Variants in PLXNA4 observed in about 807,000 individuals in gnomAD.
PLXNA4 encodes the protein plexin-A4.
PLXNA4 carries 44 observed loss-of-function variants against 191.8 expected under a neutral mutation model. The ratio of observed to expected loss-of-function variants is 0.23; its 90% CI spans 0.18 to 0.29. The LOEUF (loss-of-function observed/expected upper bound fraction) is 0.29. Ranked by LOEUF, PLXNA4 falls within the 10% of genes least tolerant of loss-of-function variation. The pLI, the probability that PLXNA4 is intolerant of heterozygous loss-of-function variation, is 1.00. For missense variants in PLXNA4, 1,800 were observed against 2,488.8 expected, an observed-to-expected ratio of 0.72 and a Z score of 5.89; for synonymous variants, 1,082 against 1,009.5, an observed-to-expected ratio of 1.07 and a Z score of -1.36.
At chr7:132,243,751 C>T (rs895358782) in intron 4 of PLXNA4, among the ~76,000 whole-genome samples, 5 of 135,968 alleles carry the variant, frequency 3.7e-5, no homozygotes, top group African/African-American at 1.1e-4. Context: ...TTATAAGTGA[C>T]GGCTATGATG....
chr7:132,271,651 G>T (rs1239681109), intron 4 of PLXNA4, among the ~76,000 whole-genome samples: 2 of 152,088 alleles, frequency 1.3e-5, no homozygotes, highest in Non-Finnish European at 1.5e-5. Flanking sequence ...AGAAGCCAAG[G>T]TCAACACCAC....
chr7:132,464,045 T>G (rs1484729768), intron 3 of PLXNA4, among the ~76,000 whole-genome samples: 1 of 151,916 alleles, frequency 6.6e-6, no homozygotes, highest in Non-Finnish European at 1.5e-5. Context: ...GGGAGGGGAG[T>G]GGAGAGCTTA....
chr7:132,401,090 T>A (rs954057972), intron 3 of PLXNA4, among the ~76,000 whole-genome samples: 1 of 152,092 alleles, frequency 6.6e-6, no homozygotes, highest in African/African-American at 2.4e-5. Flanking sequence ...TATCTACACA[T>A]GTGATAAAAT....
chr7:132,439,995 A>AGTGTGTGTGT (rs3067108), intron 3 of PLXNA4, among the ~76,000 whole-genome samples: 2,049 of 150,186 alleles, frequency 0.014, 52 homozygotes, highest in African/African-American at 0.047. Context: ...TGCATGTGTG[A>AGTGTGTGTGT]GTGTGTGTGT....
chr7:132,430,201 C>A (rs1023363984), intron 3 of PLXNA4, among the ~76,000 whole-genome samples: 1 of 152,086 alleles, frequency 6.6e-6, no homozygotes, highest in Non-Finnish European at 1.5e-5. Flanking sequence ...GAGTGAATGC[C>A]TATTCTGGCA....
chr7:132,513,076 T>G (rs1325741448), intron 1 of PLXNA4, among the ~76,000 whole-genome samples: 1 of 152,208 alleles, frequency 6.6e-6, no homozygotes, highest in Non-Finnish European at 1.5e-5. Flanking sequence ...TGAAATCAGA[T>G]TTTAATTTTG....
At position 132,128,033 on chromosome 7, in the gene PLXNA4, A is replaced by G. The variant is rs902147342; in HGVS notation, c.*2446T>C. ...AATCAAAATGCACTCACTCATACACACGTTCACACACGCAGCTTCCATCCA... is the reference window on the plus strand; with the variant it reads ...AATCAAAATGCACTCACTCATACACGCGTTCACACACGCAGCTTCCATCCA... On this transcript the variant is annotated 3_prime_UTR_variant, in exon 32 of 32. Coordinates refer to ENST00000321063, the MANE Select transcript of PLXNA4 (RefSeq NM_020911.2). The G allele has an allele frequency of 6.7e-6, 1 of 149,634 alleles. No homozygotes were observed. The highest frequency in any genetic ancestry group is 2.5e-5 in the African/African-American group (1 of 40,386). The allele number at this position is 149,634 out of a possible 1,614,324, so 9.3% of individuals were successfully genotyped here.
chr7:132,471,833 C>T (rs546999271), intron 3 of PLXNA4, among the ~76,000 whole-genome samples: 2 of 152,140 alleles, frequency 1.3e-5, no homozygotes, highest in South Asian at 2.1e-4. Flanking sequence ...CAACAGTACA[C>T]GCAAGAACAA....
At chr7:132,507,225 T>C (rs1778944872) in intron 2 of PLXNA4, among the ~76,000 whole-genome samples, 1 of 152,094 alleles carries the variant, frequency 6.6e-6, no homozygotes, top group East Asian at 1.9e-4. Flanking sequence ...CCTACCTATT[T>C]CCAGCACTCC....
intron 3 of PLXNA4, among the ~76,000 whole-genome samples, chr7:132,327,202 A>C (rs1269199010): frequency 6.7e-6 from 1 of 149,866 alleles, no homozygotes; most frequent in Non-Finnish European, 1.5e-5. Flanking sequence ...GGAGGGAGGG[A>C]AGGTGGGCAG....
intron 27 of PLXNA4, among the ~76,000 whole-genome samples, chr7:132,147,084 A>G (rs1045675633): frequency 1.3e-5 from 2 of 152,238 alleles, no homozygotes; most frequent in African/African-American, 4.8e-5. Flanking sequence ...AAGAGCAGGT[A>G]GCCTGTCTCC....
chr7:132,334,757 T>C (rs1802751135), intron 3 of PLXNA4, among the ~76,000 whole-genome samples: 1 of 152,134 alleles, frequency 6.6e-6, no homozygotes, highest in African/African-American at 2.4e-5. Flanking sequence ...GTACTAGACA[T>C]GAAACGCTCT....
At chr7:132,298,016 C>T in intron 4 of PLXNA4, 75 bp downstream of exon 4, 1 of 1,584,938 alleles carries the variant, frequency 6.3e-7, no homozygotes, top group Non-Finnish European at 8.7e-7. Context: ...CAGCTGGCCT[C>T]CTAAGGTTTG....
At chr7:132,495,684 C>T (rs1797983767) in intron 2 of PLXNA4, among the ~76,000 whole-genome samples, 1 of 152,132 alleles carries the variant, frequency 6.6e-6, no homozygotes, top group South Asian at 2.1e-4. Context: ...TATCATCTAG[C>T]CTCATACTCC....
intron 3 of PLXNA4, among the ~76,000 whole-genome samples, chr7:132,409,522 G>A (rs999805933): frequency 6.6e-6 from 1 of 152,154 alleles, no homozygotes; most frequent in Admixed American, 6.5e-5. Context: ...GATCATCCCA[G>A]AGTGGTTGAG....
chr7:132,151,355 AAGGAGGAGGAGGAGAAAGG>A (rs1562885023), intron 25 of PLXNA4, among the ~76,000 whole-genome samples: 2 of 28,688 alleles, frequency 7.0e-5, no homozygotes, highest in African/African-American at 2.3e-4. Context: ...GAGGAAGAAG[AAGGAGGAGGAGGAGAAAGG>A]AGGAGGAGGA....
At chr7:132,133,866 C>G (rs1795038446) in intron 30 of PLXNA4, among the ~76,000 whole-genome samples, 1 of 152,172 alleles carries the variant, frequency 6.6e-6, no homozygotes, top group African/African-American at 2.4e-5. Context: ...TCAGTGTCCC[C>G]AAAGACAGCC....
chr7:132,261,629 C>A (rs756900162), intron 4 of PLXNA4, among the ~76,000 whole-genome samples: 13 of 152,244 alleles, frequency 8.5e-5, no homozygotes, highest in Non-Finnish European at 1.8e-4. Context: ...CCCAGCATAG[C>A]CCCCAGGCAC....
chr7:132,631,798 C>T (rs996300051), intron 2 of PLXNA4, among the ~76,000 whole-genome samples: 1 of 152,210 alleles, frequency 6.6e-6, no homozygotes, highest in Non-Finnish European at 1.5e-5. Flanking sequence ...AAGCTACATG[C>T]TTGGAAGTAG....
Sources: allele counts gnomAD v4.1 joint callset (sites outside exome capture counted in the v4.1 genomes callset), GRCh38; gene constraint gnomAD v4.1.1; transcripts MANE v1.5; gene names NCBI Gene and HGNC (gene_info 2026-07-23, HGNC 2026-07-21).